Variants in EDEM1 observed in about 807,000 individuals in gnomAD.
The protein encoded by EDEM1 is ER degradation enhancing alpha-mannosidase like protein 1, also known as ER degradation-enhancing alpha-mannosidase-like protein 1.
A neutral mutation model predicts 74.4 loss-of-function variants in EDEM1; 67 were observed. The observed-to-expected ratio is 0.90, with a 90% CI of 0.74 to 1.10. The LOEUF (loss-of-function observed/expected upper bound fraction) is 1.10. EDEM1 is among the 50% of genes least tolerant of loss of function. The pLI is 0.00. For missense variants in EDEM1, 926 were observed against 851.6 expected (o/e 1.09, Z -1.09); for synonymous variants, 382 against 335.9 (o/e 1.14, Z -1.50).
At position 5,218,845 on chromosome 3, in the gene EDEM1, A is replaced by AT. The variant is rs753959614; in HGVS notation, c.*2934dup. On this transcript the variant is annotated 3_prime_UTR_variant, in exon 12 of 12. Coordinates refer to ENST00000256497, the MANE Select transcript of EDEM1 (RefSeq NM_014674.3). Reference sequence around the variant, plus strand: ...GCTTCTGTATTCAAATCTTTCCTTCATTTTTTTAAATTTTTTTTTTGGCAG... The same window carrying AT: ...GCTTCTGTATTCAAATCTTTCCTTCATTTTTTTTAAATTTTTTTTTTGGCAG... 2 of 151,732 alleles carry AT rather than the reference A, an allele frequency of 1.3e-5. No homozygotes were observed. The highest frequency in any genetic ancestry group is 2.9e-5 in the Non-Finnish European group (2 of 67,936). 9.4% of individuals were successfully genotyped at this position (151,732 alleles called of 1,614,324 possible). A position where few individuals can be genotyped will look rare whatever the true frequency, so the allele number is the denominator to read the frequency against.
chr3:5,194,164 G>C (rs1348206926), intron 1 of EDEM1, among the ~76,000 whole-genome samples: 1 of 152,206 alleles, frequency 6.6e-6, no homozygotes, highest in Non-Finnish European at 1.5e-5. Context: ...AGTGCTTTGG[G>C]ATATGATGGA....
chr3:5,206,001 G>A (rs1157499768), intron 6 of EDEM1, among the ~76,000 whole-genome samples: 2 of 152,094 alleles, frequency 1.3e-5, no homozygotes, highest in Admixed American at 6.5e-5. Context: ...GCAGGACAAT[G>A]TTTTGGTTCT....
intron 1 of EDEM1, among the ~76,000 whole-genome samples, chr3:5,193,161 C>T (rs546643990): frequency 6.6e-6 from 1 of 152,258 alleles, no homozygotes; most frequent in East Asian, 1.9e-4. Context: ...TGTGGTTCTC[C>T]TGATTACCAT....
intron 4 of EDEM1, among the ~76,000 whole-genome samples, chr3:5,202,370 C>T (rs1330709073): frequency 6.6e-6 from 1 of 152,198 alleles, no homozygotes; most frequent in Non-Finnish European, 1.5e-5. Context: ...GCTGCACAGA[C>T]CAGCAAGTTA....
chr3:5,214,578 G>C (rs757237230), intron 11 of EDEM1, among the ~76,000 whole-genome samples: 6 of 152,166 alleles, frequency 3.9e-5, no homozygotes, highest in African/African-American at 7.2e-5. Flanking sequence ...ACACATACCA[G>C]GGTTAGCCTT....
At chr3:5,210,855 G>A (rs2055159118) in intron 9 of EDEM1, among the ~76,000 whole-genome samples, 1 of 151,932 alleles carries the variant, frequency 6.6e-6, no homozygotes, top group African/African-American at 2.4e-5. Flanking sequence ...CATTTTCCTG[G>A]TGCCACGTTA....
intron 11 of EDEM1, among the ~76,000 whole-genome samples, chr3:5,215,555 C>T (rs1263372234): frequency 6.6e-6 from 1 of 152,160 alleles, no homozygotes; most frequent in Non-Finnish European, 1.5e-5. Flanking sequence ...CTGGTCTTCA[C>T]CTGAGGGTGA....
Position 5,192,806 on chromosome 3 carries a change from G to A in EDEM1, c.510-2403G>A, listed in dbSNP as rs546606845. On this transcript the variant is annotated intron_variant, in intron 1 of 11. Transcript: ENST00000256497. ...TTGGCACCTTTTGAAAGAGGATGTA[G>A]CAATTATTTGGTAAGAAAGAATTAA... Among the ~76,000 whole-genome samples, 3 of 152,154 alleles carry A rather than the reference G, an allele frequency of 2.0e-5. No individual in the cohort carries two copies. In the South Asian group the frequency reaches 6.2e-4, roughly 32 times the overall value.
chr3:5,203,044 T>G lies in EDEM1; in HGVS notation c.937T>G (p.Phe313Val), dbSNP rs774965219. ...GGGAGCCGGTTCCCTCCTGGTGGAA[T>G]TTGGGATTCTGAGTCGACTCCTGGG... is the stretch of plus-strand genomic sequence containing the variant. ...TAGAGSLLVE[F>V]GILSRLLGDS... The change falls in exon 5 of 12, where the codon TTT (phenylalanine) becomes GTT (valine). Residue 313 changes from phenylalanine (F) to valine (V), a missense_variant. By Grantham distance (50) the Phe-to-Val change is conservative. Transcript: ENST00000256497. 5.6e-6 allele frequency: 9 copies of G among 1,613,944 alleles called. No individual in the cohort carries two copies. Among genetic ancestry groups the G allele is most frequent in the Non-Finnish European group, 5.9e-6 (7 of 1,179,926 alleles).
intron 6 of EDEM1, among the ~76,000 whole-genome samples, chr3:5,206,875 T>C (rs556655737): frequency 6.6e-6 from 1 of 152,336 alleles, no homozygotes; most frequent in East Asian, 1.9e-4. Context: ...GCAGGGCTCT[T>C]AAACCCAAAG....
intron 2 of EDEM1, among the ~76,000 whole-genome samples, chr3:5,196,326 G>A (rs1446431549): frequency 1.3e-5 from 2 of 152,072 alleles, no homozygotes; most frequent in South Asian, 2.1e-4. Context: ...GCATGGTGGC[G>A]GGCGCCTGTG....
chr3:5,192,906 A>G lies in EDEM1; in HGVS notation c.510-2303A>G, dbSNP rs533829406. ...CTAGAGTGGAGAGAAGAAACCCCAC[A>G]GTTACTGCAAGTAATTTTTTTTTTT... On this transcript the variant is annotated intron_variant, in intron 1 of 11. Coordinates refer to ENST00000256497, the MANE Select transcript of EDEM1 (RefSeq NM_014674.3). Among the ~76,000 whole-genome samples, 14 of 152,122 alleles carry G rather than the reference A, an allele frequency of 9.2e-5. 1 individual carries two copies. The highest frequency in any genetic ancestry group is 1.9e-4 in the Non-Finnish European group (13 of 68,004).
At chr3:5,213,714 C>T (rs1388463957) in intron 11 of EDEM1, among the ~76,000 whole-genome samples, 192 bp downstream of exon 11, 1 of 152,202 alleles carries the variant, frequency 6.6e-6, no homozygotes, top group East Asian at 1.9e-4. Flanking sequence ...GCGGTGGCAT[C>T]ATCACTGCTG....
At chr3:5,200,748 G>A (rs2055024042) in intron 3 of EDEM1, among the ~76,000 whole-genome samples, 1 of 152,190 alleles carries the variant, frequency 6.6e-6, no homozygotes, top group African/African-American at 2.4e-5. Context: ...CCTCTTAGTA[G>A]GTCATTTTTT....
At chr3:5,188,859 C>T (rs1380439254) in intron 1 of EDEM1, among the ~76,000 whole-genome samples, 1 of 152,194 alleles carries the variant, frequency 6.6e-6, no homozygotes, top group Non-Finnish European at 1.5e-5. Context: ...TACAGCCTCT[C>T]CTTCACAGGG....
At chr3:5,193,666 C>T (rs978312328) in intron 1 of EDEM1, among the ~76,000 whole-genome samples, 4 of 151,898 alleles carry the variant, frequency 2.6e-5, no homozygotes, top group African/African-American at 4.8e-5. Context: ...GGCATGATCT[C>T]GGCTCACCGC....
chr3:5,200,348 C>T (rs2055020007), intron 3 of EDEM1, among the ~76,000 whole-genome samples: 1 of 152,224 alleles, frequency 6.6e-6, no homozygotes, highest in Non-Finnish European at 1.5e-5. Context: ...ACAACCCCTA[C>T]ATATTTCTGA....
chr3:5,200,578 T>C (rs545744496), intron 3 of EDEM1, among the ~76,000 whole-genome samples: 92 of 152,344 alleles, frequency 6.0e-4, no homozygotes, highest in African/African-American at 2.2e-3. Flanking sequence ...CTTTTGAAAA[T>C]TGTATCAACT....
In EDEM1 at chr3:5,205,045, A is replaced by G. The variant is rs1048046367; in HGVS notation, c.1043-22A>G. 3.7e-6 allele frequency: 6 copies of G among 1,611,860 alleles called. No individual in the cohort carries two copies. In the African/African-American group the frequency reaches 4.0e-5, roughly 11 times the overall value. On this transcript the variant is annotated intron_variant, in intron 5 of 11. Transcript: ENST00000256497. ...CCCCGATGAGACAGCTGGGACCTCA[A>G]GTGCCTTGTTTATTTTTGCAGGCAA... is the stretch of plus-strand genomic sequence containing the variant.
Sources: gnomAD v4.1 joint callset for allele counts (sites outside exome capture counted in the v4.1 genomes callset) on GRCh38, gnomAD v4.1.1 for gene constraint, MANE v1.5 for transcripts, NCBI Gene and HGNC (gene_info 2026-07-23, HGNC 2026-07-21) for gene names.